ADAMTS12: variants seen among roughly 807,000 people sequenced by gnomAD.
ADAMTS12 encodes A disintegrin and metalloproteinase with thrombospondin motifs 12.
ADAMTS12 carries 118 observed loss-of-function variants against 167.8 expected under a neutral mutation model. The observed-to-expected ratio is 0.70, with a 90% CI of 0.61 to 0.82. The LOEUF is 0.82. Ranked by LOEUF, ADAMTS12 falls within the 40% of genes least tolerant of loss-of-function variation. The pLI, the probability that ADAMTS12 is intolerant of heterozygous loss-of-function variation, is 0.00. For missense variants in ADAMTS12, 1,916 were observed against 1,998.8 expected, an observed-to-expected ratio of 0.96 and a Z score of 0.79; for synonymous variants, 704 against 716.9, an observed-to-expected ratio of 0.98 and a Z score of 0.29.
chr5:33,684,672 T>C (rs114570109), intron 3 of ADAMTS12, among the ~76,000 whole-genome samples: 1,580 of 152,214 alleles, frequency 0.01, 19 homozygotes, highest in Non-Finnish European at 0.018. Context: ...GGCATTCCAC[T>C]TGAAGAAGGC....
intron 20 of ADAMTS12, among the ~76,000 whole-genome samples, chr5:33,551,975 G>C (rs957284064): frequency 2.6e-5 from 4 of 152,196 alleles, no homozygotes; most frequent in Non-Finnish European, 5.9e-5. Context: ...CTGCGAACCA[G>C]ACTGACGACA....
intron 2 of ADAMTS12, among the ~76,000 whole-genome samples, chr5:33,811,465 C>A (rs576498545): frequency 2.0e-5 from 3 of 152,014 alleles, no homozygotes; most frequent in African/African-American, 4.8e-5. Context: ...AAGGGGTGAT[C>A]GTCATGCCAA....
chr5:33,798,434 C>CTTTTTTTTTTTT (rs3037113), intron 2 of ADAMTS12, among the ~76,000 whole-genome samples: 10 of 69,272 alleles, frequency 1.4e-4, no homozygotes, highest in East Asian at 4.5e-4. Flanking sequence ...TTCTTTGTAT[C>CTTTTTTTTTTTT]TTTTTTTTTT....
intron 13 of ADAMTS12, among the ~76,000 whole-genome samples, chr5:33,627,105 A>G (rs1316113637): frequency 9.2e-5 from 10 of 109,030 alleles, no homozygotes; most frequent in East Asian, 3.2e-4. Flanking sequence ...GGTGGTGATG[A>G]TGGTTGTGGT....
At chr5:33,685,314 A>T (rs1198457740) in intron 3 of ADAMTS12, among the ~76,000 whole-genome samples, 1 of 152,220 alleles carries the variant, frequency 6.6e-6, no homozygotes, top group Non-Finnish European at 1.5e-5. Flanking sequence ...TCTCGACTGC[A>T]TTGAGCTGAA....
At chr5:33,698,621 A>C (rs564730409) in intron 3 of ADAMTS12, among the ~76,000 whole-genome samples, 30 of 131,952 alleles carry the variant, frequency 2.3e-4, no homozygotes, top group African/African-American at 7.8e-4. Flanking sequence ...GGCAGATATC[A>C]CTAGCCCCAT....
chr5:33,578,705 G>C (rs750280420), intron 18 of ADAMTS12, among the ~76,000 whole-genome samples: 12 of 152,150 alleles, frequency 7.9e-5, no homozygotes, highest in Non-Finnish European at 1.5e-4. Flanking sequence ...ACATAATATT[G>C]ACATAGAAAA....
At chr5:33,642,786 T>A (rs895526942) in intron 10 of ADAMTS12, among the ~76,000 whole-genome samples, 2 of 152,126 alleles carry the variant, frequency 1.3e-5, no homozygotes, top group African/African-American at 4.8e-5. Context: ...CCGGGTTCTG[T>A]AATCTCAGTG....
intron 2 of ADAMTS12, among the ~76,000 whole-genome samples, chr5:33,879,352 C>T (rs905339679): frequency 3.3e-5 from 5 of 152,098 alleles, no homozygotes; most frequent in South Asian, 2.1e-4. Flanking sequence ...TGGAAAGATG[C>T]TCATGTTTAA....
At chr5:33,619,724 C>T (rs1258140423) in intron 14 of ADAMTS12, among the ~76,000 whole-genome samples, 1 of 152,014 alleles carries the variant, frequency 6.6e-6, no homozygotes, top group African/African-American at 2.4e-5. Context: ...GAGATGGAGT[C>T]TCGCTCTGTC....
chr5:33,821,873 CACTGA>C (rs2112503594), intron 2 of ADAMTS12, among the ~76,000 whole-genome samples: 1 of 152,268 alleles, frequency 6.6e-6, no homozygotes, highest in East Asian at 1.9e-4. Context: ...CCAACCAAGT[CACTGA>C]TTACTACATT....
At chr5:33,645,046 A>G (rs914544267) in intron 9 of ADAMTS12, among the ~76,000 whole-genome samples, 3 of 151,960 alleles carry the variant, frequency 2.0e-5, no homozygotes, top group Non-Finnish European at 4.4e-5. Flanking sequence ...GGCTTTATCT[A>G]TTGGAGTTTC....
intron 7 of ADAMTS12, among the ~76,000 whole-genome samples, chr5:33,653,357 TA>T (rs1740935104): frequency 6.6e-6 from 1 of 152,138 alleles, no homozygotes; most frequent in Non-Finnish European, 1.5e-5. Context: ...ATCCCTGAAA[TA>T]AATCCCACTT....
chr5:33,595,447 G>GC (rs1747875039), intron 17 of ADAMTS12, among the ~76,000 whole-genome samples: 1 of 152,100 alleles, frequency 6.6e-6, no homozygotes, highest in African/African-American at 2.4e-5. Flanking sequence ...TTCACGGACA[G>GC]CCCCCCACAA....
At chr5:33,577,879 C>T (rs544703421) in intron 18 of ADAMTS12, among the ~76,000 whole-genome samples, 4 of 152,324 alleles carry the variant, frequency 2.6e-5, no homozygotes, top group African/African-American at 9.6e-5. Flanking sequence ...GTTCCCTCCA[C>T]ATTCTGTATG....
intron 2 of ADAMTS12, among the ~76,000 whole-genome samples, chr5:33,816,628 G>C (rs946924385): frequency 6.6e-6 from 1 of 152,112 alleles, no homozygotes; most frequent in Admixed American, 6.6e-5. Context: ...TATGCACTTA[G>C]TGCTGTGCTA....
At chr5:33,772,504 T>C (rs1464551940) in intron 2 of ADAMTS12, among the ~76,000 whole-genome samples, 6 of 152,174 alleles carry the variant, frequency 3.9e-5, no homozygotes, top group Non-Finnish European at 5.9e-5. Flanking sequence ...TTGGAAAACA[T>C]CCAGGAGGTC....
intron 2 of ADAMTS12, among the ~76,000 whole-genome samples, chr5:33,806,533 A>C (rs1219486644): frequency 6.6e-6 from 1 of 152,248 alleles, no homozygotes; most frequent in Non-Finnish European, 1.5e-5. Flanking sequence ...ATCCAAGTCA[A>C]GGAGTCTCGG....
At chr5:33,653,310 G>A (rs1740934177) in intron 7 of ADAMTS12, among the ~76,000 whole-genome samples, 1 of 151,964 alleles carries the variant, frequency 6.6e-6, no homozygotes, top group Middle Eastern at 3.2e-3. Context: ...TTACAATGGT[G>A]GATTATGCTG....
Sources: gnomAD v4.1 joint callset for allele counts (sites outside exome capture counted in the v4.1 genomes callset) on GRCh38, gnomAD v4.1.1 for gene constraint, MANE v1.5 for transcripts, NCBI Gene and HGNC (gene_info 2026-07-23, HGNC 2026-07-21) for gene names.